The following VWA8 variants were observed in gnomAD, a reference collection of about 807,000 sequenced individuals.
VWA8 encodes von Willebrand factor A domain containing 8.
In VWA8, 221 loss-of-function variants were observed where a neutral mutation model predicts 241.5. The ratio of observed to expected loss-of-function variants is 0.91; its 90% CI spans 0.82 to 1.02. The LOEUF is 1.02. VWA8 is among the 50% of genes least tolerant of loss of function. The probability of loss-of-function intolerance (pLI) is 0.00; values close to 1 mark genes in which losing one functional copy is unlikely to be tolerated. For missense variants in VWA8, 2,322 were observed against 2,328.7 expected, an observed-to-expected ratio of 1.00 and a Z score of 0.06; for synonymous variants, 852 against 827.1, an observed-to-expected ratio of 1.03 and a Z score of -0.52.
intron 5 of VWA8, among the ~76,000 whole-genome samples, chr13:41,889,482 G>T (rs530071990): frequency 6.6e-6 from 1 of 151,652 alleles, no homozygotes; most frequent in African/African-American, 2.4e-5. Context: ...GGGTTCAAGC[G>T]ATTCTCCTGC....
intron 17 of VWA8, among the ~76,000 whole-genome samples, chr13:41,794,565 C>G (rs1308806731): frequency 6.6e-6 from 1 of 152,196 alleles, no homozygotes; most frequent in Non-Finnish European, 1.5e-5. Context: ...GAAATAGGAT[C>G]ATGTCATCTG....
At chr13:41,864,711 G>GC in intron 12 of VWA8, 1 of 335,832 alleles carries the variant, frequency 3.0e-6, no homozygotes, top group Non-Finnish European at 5.7e-6. Flanking sequence ...TGAGTACAGA[G>GC]TTTTTGTTTA....
intron 21 of VWA8, among the ~76,000 whole-genome samples, chr13:41,758,592 A>T (rs1292629352): frequency 6.7e-6 from 1 of 149,128 alleles, no homozygotes; most frequent in Non-Finnish European, 1.5e-5. Flanking sequence ...TATTAGTTCT[A>T]ATGCTTTTTT....
Position 41,886,740 on chromosome 13 carries a change from T to C in VWA8, c.866+41A>G, listed in dbSNP as rs749802257. 4 of 1,503,874 alleles carry C rather than the reference T, an allele frequency of 2.7e-6. No homozygotes were observed. The South Asian group carries it at 3.7e-5, about 14-fold the overall frequency. The allele number at this position is 1,503,874 out of a possible 1,614,324, so 93.2% of individuals were successfully genotyped here. ...TCAATCAATGAACAGGCAAAACAAA[T>C]TCAATATTCAGTGTCCAGACATTTA... On this transcript the variant is annotated intron_variant, in intron 7 of 44. Transcript: ENST00000379310.
At chr13:41,800,730 T>C (rs900254916) in intron 17 of VWA8, among the ~76,000 whole-genome samples, 1 of 150,960 alleles carries the variant, frequency 6.6e-6, no homozygotes, top group African/African-American at 2.4e-5. Flanking sequence ...GAGGCAGAGC[T>C]TGTAGTGAGC....
intron 2 of VWA8, among the ~76,000 whole-genome samples, chr13:41,930,078 A>G (rs1204964794): frequency 6.6e-6 from 1 of 152,202 alleles, no homozygotes; most frequent in East Asian, 1.9e-4. Flanking sequence ...AAGGATTTGA[A>G]TTCTCCAAAG....
intron 43 of VWA8, among the ~76,000 whole-genome samples, chr13:41,573,342 C>T (rs1421805948): frequency 8.7e-5 from 13 of 149,988 alleles, no homozygotes; most frequent in African/African-American, 3.2e-4. Context: ...GGCTTGAACC[C>T]GGGAGGAGGA....
At chr13:41,774,842 A>T (rs1253830182) in intron 20 of VWA8, among the ~76,000 whole-genome samples, 1 of 152,236 alleles carries the variant, frequency 6.6e-6, no homozygotes, top group African/African-American at 2.4e-5. Flanking sequence ...ACACATATCA[A>T]TTTACTCACT....
chr13:41,655,648 T>C (rs958879635), intron 37 of VWA8, among the ~76,000 whole-genome samples: 1 of 152,212 alleles, frequency 6.6e-6, no homozygotes, highest in Non-Finnish European at 1.5e-5. Flanking sequence ...ATTATTTTTA[T>C]CAGCAAGTGC....
intron 2 of VWA8, among the ~76,000 whole-genome samples, chr13:41,931,304 AC>A (rs202148231): frequency 0.17 from 17,087 of 98,196 alleles, 1,429 homozygotes; most frequent in Non-Finnish European, 0.24. Flanking sequence ...AAAAAAAAAA[AC>A]CCCTACATGA....
At chr13:41,851,649 C>A (rs1872537945) in intron 12 of VWA8, among the ~76,000 whole-genome samples, 1 of 152,100 alleles carries the variant, frequency 6.6e-6, no homozygotes, top group South Asian at 2.1e-4. Context: ...TTTTGCCTCC[C>A]ACCATGATTC....
intron 17 of VWA8, among the ~76,000 whole-genome samples, chr13:41,788,114 G>A (rs1467925641): frequency 6.6e-6 from 1 of 152,142 alleles, no homozygotes; most frequent in African/African-American, 2.4e-5. Flanking sequence ...CGGATTATGA[G>A]CATCATGTGC....
intron 16 of VWA8, among the ~76,000 whole-genome samples, chr13:41,813,797 A>G (rs1870571502): frequency 4.0e-5 from 6 of 151,886 alleles, no homozygotes. Flanking sequence ...TCACATTATT[A>G]TCAATTAAAA....
chr13:41,706,310 A>T lies in VWA8; in HGVS notation c.3117-2899T>A, dbSNP rs75351529. On this transcript the variant is annotated intron_variant, in intron 26 of 44. Transcript: ENST00000379310. ...GTTTGGTTGGCAGGGTATGGGAAGGACCTCCAGGTACCCTATACAGAATCT... is the reference window on the plus strand; with the variant it reads ...GTTTGGTTGGCAGGGTATGGGAAGGTCCTCCAGGTACCCTATACAGAATCT... Among the ~76,000 whole-genome samples the T allele has an allele frequency of 9.1e-3, 1,393 of 152,270 alleles. 24 individuals are homozygous for T. The highest frequency in any genetic ancestry group is 0.031 in the African/African-American group (1,268 of 41,530).
In VWA8 at chr13:41,761,117, A is replaced by C; in HGVS notation, c.2426+11T>G. The C allele has an allele frequency of 6.2e-7, 1 of 1,608,934 alleles. No homozygotes were observed. The stretch of plus-strand genomic sequence containing the variant: ...GAGATTTTTAAGAGGTTGTGGGTCT[A>C]ATAGTCTTACCTGTGTAGCTGAATA... On this transcript the variant is annotated intron_variant, in intron 21 of 44. Coordinates refer to ENST00000379310, the MANE Select transcript of VWA8 (RefSeq NM_015058.2).
intron 9 of VWA8, among the ~76,000 whole-genome samples, chr13:41,871,242 C>T (rs1260794928): frequency 6.6e-6 from 1 of 152,134 alleles, no homozygotes; most frequent in Admixed American, 6.5e-5. Context: ...TTACCACTTT[C>T]TGAGTATTTC....
chr13:41,819,314 T>C lies in VWA8; in HGVS notation c.1773A>G (p.Ala591=). 6.2e-7 allele frequency: 1 copy of C among 1,613,328 alleles called. No individual in the cohort carries two copies. The highest frequency in any genetic ancestry group is 1.3e-5 in the African/African-American group (1 of 75,002). ...AGAATTCTGGTCCCAGCCACTGGTGTGCTGTGCTTCCAATAACAGGGGGTT... is the reference window on the plus strand; with the variant it reads ...AGAATTCTGGTCCCAGCCACTGGTGCGCTGTGCTTCCAATAACAGGGGGTT... The part of the protein sequence containing the change: ...LAEPPVIGST[A]HQWLGPEFLT... The change falls in exon 15 of 45, where the codon GCA becomes GCG. Residue 591 remains alanine (A), a synonymous_variant. Transcript: ENST00000379310.
At position 41,911,952 on chromosome 13, in the gene VWA8, A is replaced by G. The variant is rs548282301; in HGVS notation, c.372+86T>C. ...TTGTTTCAAATAATGACTAATTCTGATATTTTTTATAAATTCTTAATCTTA... is the reference window on the plus strand; with the variant it reads ...TTGTTTCAAATAATGACTAATTCTGGTATTTTTTATAAATTCTTAATCTTA... On this transcript the variant is annotated intron_variant, in intron 3 of 44. Coordinates refer to ENST00000379310, the MANE Select transcript of VWA8 (RefSeq NM_015058.2). The G allele has an allele frequency of 3.1e-3, 3,967 of 1,298,264 alleles. 8 individuals are homozygous for G. The highest frequency in any genetic ancestry group is 3.8e-3 in the Non-Finnish European group (3,816 of 1,007,544). 80.4% of individuals were successfully genotyped at this position (1,298,264 alleles called of 1,614,324 possible).
intron 37 of VWA8, among the ~76,000 whole-genome samples, chr13:41,651,693 T>C (rs963467473): frequency 6.6e-6 from 1 of 152,190 alleles, no homozygotes; most frequent in Non-Finnish European, 1.5e-5. Flanking sequence ...TATCAACTGA[T>C]TTTTTCCAAC....
Sources: allele counts gnomAD v4.1 joint callset (sites outside exome capture counted in the v4.1 genomes callset), GRCh38; gene constraint gnomAD v4.1.1; transcripts MANE v1.5; gene names NCBI Gene and HGNC (gene_info 2026-07-23, HGNC 2026-07-21).